CNBD2: variants seen among roughly 807,000 people sequenced by gnomAD.
The protein encoded by CNBD2 is cyclic nucleotide binding domain containing 2, also known as cyclic nucleotide-binding domain-containing protein 2.
In CNBD2, 64 loss-of-function variants were observed where a neutral mutation model predicts 63.7. The observed-to-expected ratio is 1.00, with a 90% CI of 0.82 to 1.24. The LOEUF is 1.24. CNBD2 is among the 50% of genes most tolerant of loss of function. The pLI, the probability that CNBD2 is intolerant of heterozygous loss-of-function variation, is 0.00. For synonymous variants in CNBD2, 229 were observed against 255.4 expected, an observed-to-expected ratio of 0.90 and a Z score of 0.99; for missense variants, 691 against 713.5, an observed-to-expected ratio of 0.97 and a Z score of 0.36.
At chr20:36,007,535 C>CT (rs998706285) in intron 8 of CNBD2, among the ~76,000 whole-genome samples, 6 of 151,840 alleles carry the variant, frequency 4.0e-5, no homozygotes, top group South Asian at 2.1e-4. Flanking sequence ...ATCTGCAATT[C>CT]TTTTTTTTGA....
intron 3 of CNBD2, among the ~76,000 whole-genome samples, chr20:35,980,039 C>G (rs2079450423): frequency 6.6e-6 from 1 of 152,178 alleles, no homozygotes; most frequent in South Asian, 2.1e-4. Context: ...GCTTGTTAGT[C>G]TCCTGTAGCA....
At chr20:36,004,200 T>C (rs1481876007) in intron 8 of CNBD2, among the ~76,000 whole-genome samples, 1 of 152,134 alleles carries the variant, frequency 6.6e-6, no homozygotes, top group Non-Finnish European at 1.5e-5. Flanking sequence ...GTGTGACTAG[T>C]AGGAGGTGGG....
At chr20:35,997,037 G>A (rs2056834609) in intron 8 of CNBD2, among the ~76,000 whole-genome samples, 1 of 152,098 alleles carries the variant, frequency 6.6e-6, no homozygotes, top group Non-Finnish European at 1.5e-5. Context: ...AACTGGCCAG[G>A]GTGATAACCA....
At chr20:35,960,170 T>C (rs2056295020), downstream of CNBD2, among the ~76,000 whole-genome samples, 1 of 152,208 alleles carries the variant, frequency 6.6e-6, no homozygotes, top group African/African-American at 2.4e-5. Context: ...TTGCCACCTT[T>C]CTTTCTATAG....
intron 3 of CNBD2, among the ~76,000 whole-genome samples, chr20:35,978,577 C>T (rs1325248253): frequency 6.6e-6 from 1 of 152,210 alleles, no homozygotes; most frequent in African/African-American, 2.4e-5. Flanking sequence ...ATCTCCTGAC[C>T]TCGTGATCCG....
intron 4 of CNBD2, among the ~76,000 whole-genome samples, chr20:35,983,410 G>A (rs756143049): frequency 3.3e-5 from 5 of 152,032 alleles, no homozygotes; most frequent in Admixed American, 6.5e-5. Context: ...CTCCTTGTTC[G>A]CTCTGGGCCT....
chr20:35,967,738 A>G (rs1160202906), upstream of CNBD2, among the ~76,000 whole-genome samples: 7 of 152,036 alleles, frequency 4.6e-5, no homozygotes. Flanking sequence ...CTGTAATCCT[A>G]GCTACTTGGG....
upstream of CNBD2, among the ~76,000 whole-genome samples, chr20:35,963,724 C>T (rs2056325121): frequency 6.6e-6 from 1 of 152,104 alleles, no homozygotes; most frequent in Non-Finnish European, 1.5e-5. Context: ...TCATAAAAAT[C>T]TAGTATTTAA....
chr20:35,958,840 T>C (rs1415088519), downstream of CNBD2: 1 of 152,214 alleles, frequency 6.6e-6, no homozygotes, highest in Non-Finnish European at 1.5e-5. Context: ...TATAACTGTG[T>C]TATTTAAAAA....
intron 3 of CNBD2, among the ~76,000 whole-genome samples, 175 bp downstream of exon 3, chr20:35,976,177 G>T (rs1242078426): frequency 1.3e-5 from 2 of 152,034 alleles, no homozygotes; most frequent in East Asian, 4.0e-4. Context: ...TGATCTCAGT[G>T]ATTCCTTCCA....
intron 10 of CNBD2, among the ~76,000 whole-genome samples, chr20:36,016,784 G>A (rs1439267982): frequency 7.1e-6 from 1 of 141,324 alleles, no homozygotes; most frequent in Admixed American, 7.3e-5. Flanking sequence ...GTAAGACTCT[G>A]TCTCAAAAAA....
At chr20:35,960,435 T>C (rs2056296826) in intron 2 of CNBD2, among the ~76,000 whole-genome samples, 1 of 152,228 alleles carries the variant, frequency 6.6e-6, no homozygotes, top group Non-Finnish European at 1.5e-5. Context: ...GTCAAACTCC[T>C]GGGTTCAAAC....
chr20:35,994,020 C>A (rs2056785374), intron 7 of CNBD2, among the ~76,000 whole-genome samples: 1 of 151,764 alleles, frequency 6.6e-6, no homozygotes, highest in Non-Finnish European at 1.5e-5. Context: ...GCTGGGATTA[C>A]AGGCATGCGC....
intron 10 of CNBD2, among the ~76,000 whole-genome samples, chr20:36,020,771 CT>C (rs2057196996): frequency 6.6e-6 from 1 of 152,120 alleles, no homozygotes; most frequent in African/African-American, 2.4e-5. Context: ...CTAGGAGGGC[CT>C]TTGTTCCCAC....
At chr20:35,954,920 G>GA in exon 1 of CNBD2, 1 of 247,598 alleles carries the variant, frequency 4.0e-6, no homozygotes, top group East Asian at 1.4e-4. Flanking sequence ...ATTCTCTCGG[G>GA]AGGGGCCCAT....
chr20:35,954,391 T>C (rs1043629208), upstream of CNBD2: 8 of 1,564,566 alleles, frequency 5.1e-6, no homozygotes, highest in Non-Finnish European at 6.9e-6. Flanking sequence ...AGGGCAGAGC[T>C]CGCGTCACCC....
chr20:35,998,976 CT>C (rs2056863115), intron 8 of CNBD2, among the ~76,000 whole-genome samples: 1 of 150,716 alleles, frequency 6.6e-6, no homozygotes, highest in Non-Finnish European at 1.5e-5. Flanking sequence ...TCTGTTTTGC[CT>C]CATATATTTT....
chr20:35,991,137 G>C (rs1230484628), intron 7 of CNBD2, among the ~76,000 whole-genome samples: 1 of 152,156 alleles, frequency 6.6e-6, no homozygotes, highest in Non-Finnish European at 1.5e-5. Flanking sequence ...GAAGAGAATG[G>C]ATTGGGATGC....
rs529916964 is a variant in CNBD2 at position 36,028,595 on chromosome 20, G to T, written c.1440-1762G>T. Among the ~76,000 whole-genome samples the T allele has an allele frequency of 3.9e-5, 6 of 152,148 alleles. No individual in the cohort carries two copies. The East Asian group carries it at 1.2e-3, about 29-fold the overall frequency. The stretch of plus-strand genomic sequence containing the variant: ...CACAAGAAAGTCAGGAAATCCCCAA[G>T]GCCAAAGTGAAGAGGATCACCCAAA... On this transcript the variant is annotated intron_variant, in intron 11 of 11. Coordinates refer to ENST00000373973, the MANE Select transcript of CNBD2 (RefSeq NM_001365709.1).
Sources: allele counts gnomAD v4.1 joint callset (sites outside exome capture counted in the v4.1 genomes callset), GRCh38; gene constraint gnomAD v4.1.1; transcripts MANE v1.5; gene names NCBI Gene and HGNC (gene_info 2026-07-23, HGNC 2026-07-21).